Variants in C8B observed in about 807,000 individuals in gnomAD.
C8B encodes the protein complement C8 beta chain, also known as complement component C8 beta chain.
C8B carries 67 observed loss-of-function variants against 64.6 expected under a neutral mutation model. The observed-to-expected ratio is 1.04, with a 90% CI of 0.85 to 1.27. The LOEUF (loss-of-function observed/expected upper bound fraction) is 1.27, where lower values mean the gene tolerates loss of function less well. Ranked by LOEUF, C8B falls within the 50% of genes most tolerant of loss-of-function variation. The pLI, the probability that C8B is intolerant of heterozygous loss-of-function variation, is 0.00. For synonymous variants in C8B, 284 were observed against 257.7 expected, an observed-to-expected ratio of 1.10 and a Z score of -0.98; for missense variants, 790 against 725.2, an observed-to-expected ratio of 1.09 and a Z score of -1.03.
At chr1:56,955,903 A>C (rs1645096058) in intron 3 of C8B, among the ~76,000 whole-genome samples, 1 of 152,202 alleles carries the variant, frequency 6.6e-6, no homozygotes, top group African/African-American at 2.4e-5. Context: ...AGATGGAGAA[A>C]TAGAGAACCA....
chr1:56,942,411 G>C (rs1644876423), intron 8 of C8B, among the ~76,000 whole-genome samples: 1 of 152,194 alleles, frequency 6.6e-6, no homozygotes, highest in South Asian at 2.1e-4. Flanking sequence ...AAAAGAACTG[G>C]TGTAAAACAG....
intron 1 of C8B, among the ~76,000 whole-genome samples, chr1:56,962,324 A>G (rs1645190847): frequency 6.6e-6 from 1 of 152,236 alleles, no homozygotes; most frequent in African/African-American, 2.4e-5. Context: ...TGTAAATTAC[A>G]TCGGATGAGA....
At chr1:56,965,398 A>AGAGAGAGTGTGTGTGT (rs1553120321) in intron 1 of C8B, among the ~76,000 whole-genome samples, 3 of 142,676 alleles carry the variant, frequency 2.1e-5, no homozygotes, top group African/African-American at 8.0e-5. Context: ...AGAGAGAGAG[A>AGAGAGAGTGTGTGTGT]GTGTGTGTGT....
At position 56,956,886 on chromosome 1, in the gene C8B, G is replaced by T. The variant is rs746455376; in HGVS notation, c.274C>A (p.Pro92Thr). 4 of 1,613,996 alleles carry T rather than the reference G, an allele frequency of 2.5e-6. No individual in the cohort carries two copies. The African/African-American group carries it at 5.3e-5, about 22-fold the overall frequency. ...KRYRYAYLLQPSQFHGEPCNF... is the reference protein window; with the variant it reads ...KRYRYAYLLQTSQFHGEPCNF... The stretch of plus-strand genomic sequence containing the variant: ...CACGGTTCCCCATGGAACTGAGAGG[G>T]CTGGAGCAAGTAGGCATACCTGTAC... Residue 92 changes from proline to threonine, a missense_variant, in exon 3 of 12, where the codon CCC (proline) becomes ACC (threonine). Pro to Thr is a conservative substitution (Grantham distance 38, BLOSUM62 -1). Transcript: ENST00000371237.
At chr1:56,951,667 C>T (rs2101432311) in intron 5 of C8B, among the ~76,000 whole-genome samples, 1 of 152,274 alleles carries the variant, frequency 6.6e-6, no homozygotes, top group African/African-American at 2.4e-5. Flanking sequence ...TCTCACTAAT[C>T]CTCTCCCTGC....
rs1193326738 is a variant in C8B, at chr1:56,954,669, G to A, written c.533+17C>T. ...GCTGTGCCTTCCCATCTACGCCACAGAAAAATGGTCACTTACCCACTGGCC... is the reference window on the plus strand; with the variant it reads ...GCTGTGCCTTCCCATCTACGCCACAAAAAAATGGTCACTTACCCACTGGCC... On this transcript the variant is annotated intron_variant, in intron 4 of 11. Coordinates refer to ENST00000371237, the MANE Select transcript of C8B (RefSeq NM_000066.4). 1 of 1,614,054 alleles carries A rather than the reference G, an allele frequency of 6.2e-7. No homozygotes were observed. The highest frequency in any genetic ancestry group is 8.5e-7 in the Non-Finnish European group (1 of 1,179,930).
intron 8 of C8B, 129 bp from the exon 9 acceptor site, chr1:56,941,141 A>G: frequency 9.6e-7 from 1 of 1,040,292 alleles, no homozygotes; most frequent in Non-Finnish European, 1.4e-6. Flanking sequence ...GGTGGACCAG[A>G]CACTTCCTTG....
rs78391865 is a variant in C8B at position 56,965,162 on chromosome 1, C to G, written c.92+695G>C. ...CCCACAGGAGTGTTTACATGGAGGC[C>G]GGGGACACATGCACACTTCAACATC... On this transcript the variant is annotated intron_variant, in intron 1 of 11. Coordinates refer to ENST00000371237, the MANE Select transcript of C8B (RefSeq NM_000066.4). Among the ~76,000 whole-genome samples the G allele has an allele frequency of 8.3e-3, 1,261 of 152,194 alleles. 18 individuals are homozygous for G. The highest frequency in any genetic ancestry group is 0.029 in the African/African-American group (1,207 of 41,524).
intron 1 of C8B, among the ~76,000 whole-genome samples, chr1:56,961,615 C>T (rs1234980187): frequency 1.3e-5 from 2 of 152,176 alleles, no homozygotes; most frequent in African/African-American, 4.8e-5. Flanking sequence ...TATGTAAGGC[C>T]TCTTTCTTTC....
chr1:56,959,973 A>G (rs1333677496), intron 2 of C8B, 47 bp downstream of exon 2: 2 of 1,611,432 alleles, frequency 1.2e-6, no homozygotes, highest in South Asian at 2.2e-5. Context: ...CTTGCTGGGG[A>G]CAAAGGCTCC....
intron 3 of C8B, 97 bp downstream of exon 3, chr1:56,956,670 GAC>G (rs1327315841): frequency 2.2e-6 from 3 of 1,348,806 alleles, no homozygotes; most frequent in Non-Finnish European, 3.2e-6. Context: ...GCTGCCCCAT[GAC>G]CCTGATCTTG....
chr1:56,965,233 A>G (rs1424278680), intron 1 of C8B, among the ~76,000 whole-genome samples: 4 of 152,154 alleles, frequency 2.6e-5, no homozygotes, highest in African/African-American at 9.7e-5. Flanking sequence ...CCACATTGCT[A>G]CGTCACTGGC....
intron 6 of C8B, among the ~76,000 whole-genome samples, chr1:56,949,062 A>G (rs1457016660): frequency 6.6e-6 from 1 of 152,152 alleles, no homozygotes. Context: ...GGTTGTTAGA[A>G]CTAGTTGTAA....
At chr1:56,950,982 T>G (rs972476543) in intron 5 of C8B, among the ~76,000 whole-genome samples, 1 of 151,928 alleles carries the variant, frequency 6.6e-6, no homozygotes, top group Non-Finnish European at 1.5e-5. Context: ...CAATGGAGAG[T>G]GTGTTTGGCG....
chr1:56,941,957 T>C (rs899935281), intron 8 of C8B, among the ~76,000 whole-genome samples: 2 of 152,258 alleles, frequency 1.3e-5, no homozygotes, highest in African/African-American at 4.8e-5. Context: ...AAATCATTTA[T>C]ACAGTATGAG....
chr1:56,960,042 C>T lies in C8B; in HGVS notation c.227G>A (p.Cys76Tyr). The T allele has an allele frequency of 6.2e-7, 1 of 1,614,134 alleles. No homozygotes were observed. Among genetic ancestry groups the T allele is most frequent in the Non-Finnish European group, 8.5e-7 (1 of 1,179,998 alleles). Residue 76 changes from cysteine (C) to tyrosine (Y), a missense_variant, in exon 2 of 12, where the codon TGT becomes TAT. Coordinates refer to ENST00000371237, the MANE Select transcript of C8B (RefSeq NM_000066.4). ...ELSSWSSWTTCDPCQKKRYRY... is the reference protein window; with the variant it reads ...ELSSWSSWTTYDPCQKKRYRY... ...TACCCTTTTCTTCTGACAGGGGTCA[C>T]ATGTGGTCCAAGAGGACCAACTAGA...
rs577053288 is a variant in C8B, at chr1:56,944,045, C to T, written c.1106-221G>A. 1.7e-4 allele frequency among the ~76,000 whole-genome samples: 26 copies of T among 152,222 alleles called. No homozygotes were observed. The South Asian group carries it at 3.9e-3, about 23-fold the overall frequency. On this transcript the variant is annotated intron_variant, in intron 7 of 11. Coordinates refer to ENST00000371237, the MANE Select transcript of C8B (RefSeq NM_000066.4). ...AGCTTCCCTTTCAGCCTCCCCGCAA[C>T]GCTCTCTGAGGATTCTTGCTGACTT... is the stretch of plus-strand genomic sequence containing the variant.
In C8B at chr1:56,940,927, G is replaced by A; in HGVS notation, c.1320C>T (p.Tyr440=). 2 of 1,614,058 alleles carry A rather than the reference G, an allele frequency of 1.2e-6. No homozygotes were observed. The highest frequency in any genetic ancestry group is 8.5e-7 in the Non-Finnish European group (1 of 1,180,000). ...TCAGGTCCGCCGTCGGCAGCTCCTG[G>A]TATGCCAGGGTGGTGATGTGCTCAC... ...GASEHITTLA[Y]QELPTADLMQ... is the part of the protein sequence containing the mutation. Residue 440 remains tyrosine, a synonymous_variant, in exon 9 of 12, where the codon TAC becomes TAT. Coordinates refer to ENST00000371237, the MANE Select transcript of C8B (RefSeq NM_000066.4).
chr1:56,937,071 A>G, intron 9 of C8B, among the ~76,000 whole-genome samples: 1 of 152,184 alleles, frequency 6.6e-6, no homozygotes, highest in East Asian at 1.9e-4. Context: ...TATGAGGGTC[A>G]TTATTACAGT....
Sources: gnomAD v4.1 joint callset for allele counts (sites outside exome capture counted in the v4.1 genomes callset) on GRCh38, gnomAD v4.1.1 for gene constraint, MANE v1.5 for transcripts, NCBI Gene and HGNC (gene_info 2026-07-23, HGNC 2026-07-21) for gene names.